The following SNX13 variants were observed in gnomAD, a reference collection of about 807,000 sequenced individuals.
SNX13 encodes the protein sorting nexin 13.
SNX13 carries 45 observed loss-of-function variants against 133.6 expected under a neutral mutation model. That is an observed-to-expected ratio of 0.34 (90% confidence interval 0.27 to 0.43). The LOEUF (loss-of-function observed/expected upper bound fraction) is 0.43. SNX13 is among the 20% of genes least tolerant of loss of function. The pLI is 1.00. For missense variants in SNX13, 1,032 were observed against 1,145.1 expected (o/e 0.90, Z 1.43); for synonymous variants, 414 against 373.9 (o/e 1.11, Z -1.24).
At position 17,893,382 on chromosome 7, in the gene SNX13, C is replaced by T. The variant is rs1198842538; in HGVS notation, c.178G>A (p.Glu60Lys). The T allele has an allele frequency of 6.3e-7, 1 of 1,577,012 alleles. No individual in the cohort carries two copies. Among genetic ancestry groups the T allele is most frequent in the Admixed American group, 1.8e-5 (1 of 55,244 alleles). Reference protein sequence around the residue: ...FGKTNSEKYLEQCEHSFLPPT... With the variant: ...FGKTNSEKYLKQCEHSFLPPT... ...GGAAGAAATGAGTGTTCACACTGTT[C>T]TAGGTACTTCTCTGAGTTTGTTTTT... Residue 60 changes from glutamate (E) to lysine (K), a missense_variant, in exon 3 of 26, where the codon GAA (glutamate) becomes AAA (lysine). Coordinates refer to ENST00000428135, the MANE Select transcript of SNX13 (RefSeq NM_015132.5).
At chr7:17,876,086 G>A (rs1794693414) in intron 5 of SNX13, among the ~76,000 whole-genome samples, 1 of 152,214 alleles carries the variant, frequency 6.6e-6, no homozygotes, top group Non-Finnish European at 1.5e-5. Context: ...AATTTGAAGT[G>A]AATCTGACAA....
At chr7:17,881,999 A>G (rs1319537659) in intron 5 of SNX13, 1 of 152,248 alleles carries the variant, frequency 6.6e-6, no homozygotes, top group African/African-American at 2.4e-5. Flanking sequence ...ATTGATTAAA[A>G]TAATGAAACT....
intron 18 of SNX13, among the ~76,000 whole-genome samples, chr7:17,817,543 T>C (rs1298409890): frequency 6.6e-6 from 1 of 152,206 alleles, no homozygotes; most frequent in African/African-American, 2.4e-5. Context: ...ACAAATCTGA[T>C]GGCTGCTTGG....
chr7:17,845,810 C>A (rs1562756755), intron 11 of SNX13, 116 bp from the exon 12 acceptor site: 3 of 617,844 alleles, frequency 4.9e-6, no homozygotes, highest in East Asian at 3.0e-5. Context: ...GAAGTTTTTC[C>A]CTTCTCATGC....
rs150996787 is a variant in SNX13, at chr7:17,883,616, G to A, written c.440+6747C>T. 4.9e-3 allele frequency among the ~76,000 whole-genome samples: 745 copies of A among 152,020 alleles called. 5 individuals are homozygous for A. Among genetic ancestry groups the A allele is most frequent in the African/African-American group, 0.017 (719 of 41,462 alleles). On this transcript the variant is annotated intron_variant, in intron 5 of 25. Coordinates refer to ENST00000428135, the MANE Select transcript of SNX13 (RefSeq NM_015132.5). ...TGGGATACATGTGCTGAATGTGCACGTTTGTTACACAGGTATACACGTGCC... is the reference window on the plus strand; with the variant it reads ...TGGGATACATGTGCTGAATGTGCACATTTGTTACACAGGTATACACGTGCC...
At chr7:17,853,248 G>A (rs962321585) in intron 9 of SNX13, among the ~76,000 whole-genome samples, 2 of 152,178 alleles carry the variant, frequency 1.3e-5, no homozygotes, top group African/African-American at 2.4e-5. Flanking sequence ...GTGTTGTGGT[G>A]TCAATAAGCA....
At chr7:17,902,106 T>C (rs1048504633) in intron 1 of SNX13, among the ~76,000 whole-genome samples, 10 of 152,178 alleles carry the variant, frequency 6.6e-5, no homozygotes, top group Non-Finnish European at 1.2e-4. Context: ...CTAACAGGTG[T>C]TTTATTATTC....
rs193116234 is a variant in SNX13, at chr7:17,832,705, A to T, written c.1597+1347T>A. On this transcript the variant is annotated intron_variant, in intron 15 of 25. Coordinates refer to ENST00000428135, the MANE Select transcript of SNX13 (RefSeq NM_015132.5). ...ACTCAGAGAAGAACTCTGTTTTTTT[A>T]AAAAATCTTCCTTAATTATGCAATC... Among the ~76,000 whole-genome samples, 6 of 151,528 alleles carry T rather than the reference A, an allele frequency of 4.0e-5. No homozygotes were observed. In the East Asian group the frequency reaches 1.2e-3, roughly 29 times the overall value.
intron 13 of SNX13, among the ~76,000 whole-genome samples, chr7:17,835,137 C>T (rs1361308038): frequency 6.6e-6 from 1 of 151,680 alleles, no homozygotes; most frequent in African/African-American, 2.4e-5. Flanking sequence ...CTTCATTTAC[C>T]CCATCTGTAA....
chr7:17,924,904 C>T (rs535534162), intron 1 of SNX13, among the ~76,000 whole-genome samples: 5 of 152,224 alleles, frequency 3.3e-5, no homozygotes, highest in African/African-American at 1.2e-4. Context: ...ACTCATATAA[C>T]ATGTTCAAAA....
chr7:17,868,642 A>T (rs1231472184), intron 8 of SNX13, among the ~76,000 whole-genome samples, 152 bp from the exon 9 acceptor site: 1 of 152,132 alleles, frequency 6.6e-6, no homozygotes, highest in South Asian at 2.1e-4. Flanking sequence ...TAAAAAGATG[A>T]ACTACTATGC....
chr7:17,834,221 C>A, intron 14 of SNX13, 37 bp from the exon 15 acceptor site: 2 of 1,510,498 alleles, frequency 1.3e-6, no homozygotes, highest in Non-Finnish European at 1.8e-6. Context: ...ACAATTAATA[C>A]AGGTGTGTGG....
At chr7:17,813,784 C>T (rs1433127115) in intron 20 of SNX13, among the ~76,000 whole-genome samples, 6 of 151,802 alleles carry the variant, frequency 4.0e-5, no homozygotes, top group East Asian at 1.9e-4. Context: ...GACAGGGTCT[C>T]GCTGTTACCA....
rs191239401 is a variant in SNX13 at position 17,891,460 on chromosome 7, G to T, written c.318+86C>A. On this transcript the variant is annotated intron_variant, in intron 4 of 25. Transcript: ENST00000428135. ...AAGAAATTCCAGGATATTATTTAAA[G>T]AGCAAAAAGTATTTCCTGGTATCTT... 8.8e-6 allele frequency: 8 copies of T among 911,782 alleles called. No homozygotes were observed. In the East Asian group the frequency reaches 1.8e-4, roughly 21 times the overall value. The allele number at this position is 911,782 out of a possible 1,614,324, so 56.5% of individuals were successfully genotyped here. A position where few individuals can be genotyped will look rare whatever the true frequency, so the allele number is the denominator to read the frequency against.
chr7:17,892,409 T>C (rs887308096), intron 3 of SNX13, among the ~76,000 whole-genome samples: 2 of 151,876 alleles, frequency 1.3e-5, no homozygotes, highest in Admixed American at 6.6e-5. Flanking sequence ...AAATATTTCC[T>C]ATTCTCTGTA....
intron 24 of SNX13, among the ~76,000 whole-genome samples, chr7:17,797,219 T>C (rs1562643637): frequency 1.3e-5 from 2 of 151,838 alleles, no homozygotes; most frequent in African/African-American, 2.4e-5. Context: ...AATATGTACA[T>C]GACTATATCA....
chr7:17,924,548 T>C (rs577827442), intron 1 of SNX13, among the ~76,000 whole-genome samples: 122 of 152,282 alleles, frequency 8.0e-4, no homozygotes, highest in Middle Eastern at 3.4e-3. Flanking sequence ...CTTTGAAAAA[T>C]AGTTTGCAGT....
rs796084899 is a variant in SNX13 at position 17,841,584 on chromosome 7, G to GCA, written c.1166-1586_1166-1585dup. ...CACACACACACACACACACACACAC[G>GCA]CACACACACCCCAAGGCATACAAAG... On this transcript the variant is annotated intron_variant, in intron 12 of 25. Transcript: ENST00000428135. 5.9e-3 allele frequency among the ~76,000 whole-genome samples: 273 copies of GCA among 46,548 alleles called. 2 individuals carry two copies. Among genetic ancestry groups the GCA allele is most frequent in the Admixed American group, 0.041 (208 of 5,048 alleles). The allele number at this position is 46,548 out of a possible 152,430, so 30.5% of individuals were successfully genotyped here. A position where few individuals can be genotyped will look rare whatever the true frequency, so the allele number is the denominator to read the frequency against.
chr7:17,829,556 G>A (rs1788254496), intron 16 of SNX13, among the ~76,000 whole-genome samples: 1 of 149,528 alleles, frequency 6.7e-6, no homozygotes, highest in Non-Finnish European at 1.5e-5. Context: ...TTTTAGTGTA[G>A]ACTTAAAGAA....
Sources: allele counts gnomAD v4.1 joint callset (sites outside exome capture counted in the v4.1 genomes callset), GRCh38; gene constraint gnomAD v4.1.1; transcripts MANE v1.5; gene names NCBI Gene and HGNC (gene_info 2026-07-23, HGNC 2026-07-21).